The following KCNMA1 variants were observed in gnomAD, a reference collection of about 807,000 sequenced individuals.
KCNMA1 encodes the protein Calcium-activated potassium channel subunit alpha-1.
A neutral mutation model predicts 140.0 loss-of-function variants in KCNMA1; 29 were observed. That is an observed-to-expected ratio of 0.21 (90% CI 0.15 to 0.28). The LOEUF (loss-of-function observed/expected upper bound fraction) is 0.28. Ranked by LOEUF, KCNMA1 falls within the 10% of genes least tolerant of loss-of-function variation. The probability of loss-of-function intolerance (pLI) is 1.00; values close to 1 mark genes in which losing one functional copy is unlikely to be tolerated. For missense variants in KCNMA1, 880 were observed against 1,602.2 expected, an observed-to-expected ratio of 0.55 and a Z score of 7.70; for synonymous variants, 612 against 611.9, an observed-to-expected ratio of 1.00 and a Z score of 0.00.
At chr10:77,504,287 T>C (rs894819402) in intron 1 of KCNMA1, among the ~76,000 whole-genome samples, 1 of 152,192 alleles carries the variant, frequency 6.6e-6, no homozygotes, top group Non-Finnish European at 1.5e-5. Flanking sequence ...CCTCCAGATA[T>C]GGTGTCTGTG....
At chr10:77,391,209 G>T (rs772119658) in intron 2 of KCNMA1, among the ~76,000 whole-genome samples, 3 of 152,090 alleles carry the variant, frequency 2.0e-5, no homozygotes, top group Non-Finnish European at 4.4e-5. Flanking sequence ...AACAAGGAAG[G>T]CCCAGAAGTT....
intron 3 of KCNMA1, among the ~76,000 whole-genome samples, chr10:77,227,647 G>A (rs1276106799): frequency 1.3e-5 from 2 of 152,188 alleles, no homozygotes; most frequent in Admixed American, 1.3e-4. Context: ...CTGAAATCCT[G>A]ACTATTTTGG....
chr10:77,035,949 T>A (rs929051909), intron 15 of KCNMA1, among the ~76,000 whole-genome samples: 1 of 152,186 alleles, frequency 6.6e-6, no homozygotes, highest in Non-Finnish European at 1.5e-5. Flanking sequence ...CCTGGGTGTA[T>A]CTGTGAGGGT....
chr10:77,419,862 T>C (rs2096830212), intron 1 of KCNMA1, among the ~76,000 whole-genome samples: 2 of 152,124 alleles, frequency 1.3e-5, no homozygotes, highest in South Asian at 4.1e-4. Flanking sequence ...TGGAAGTCAT[T>C]GGTCCCAGTG....
At chr10:76,903,307 A>T (rs1402783755) in intron 25 of KCNMA1, 1 of 152,272 alleles carries the variant, frequency 6.6e-6, no homozygotes, top group Non-Finnish European at 1.5e-5. Context: ...ATCTTTTAAT[A>T]ACATTGCCTT....
At chr10:76,948,005 T>TC (rs1565118074) in intron 22 of KCNMA1, among the ~76,000 whole-genome samples, 3 of 150,900 alleles carry the variant, frequency 2.0e-5, no homozygotes, top group Admixed American at 6.6e-5. Context: ...GTTTCTTGTT[T>TC]TGTTTTTGTT....
intron 1 of KCNMA1, among the ~76,000 whole-genome samples, chr10:77,618,800 C>T (rs1878001): frequency 0.34 from 51,555 of 152,044 alleles, 9,387 homozygotes; most frequent in African/African-American, 0.46. Flanking sequence ...TAGGAATTGA[C>T]GAACACCGTA....
At chr10:76,894,712 T>C (rs2041741475) in intron 25 of KCNMA1, among the ~76,000 whole-genome samples, 1 of 152,342 alleles carries the variant, frequency 6.6e-6, no homozygotes, top group Middle Eastern at 3.4e-3. Context: ...AATAAACTTA[T>C]GCAAAGAGGC....
intron 21 of KCNMA1, chr10:76,952,302 T>C: frequency 1.2e-6 from 1 of 838,322 alleles, no homozygotes; most frequent in Non-Finnish European, 1.8e-6. Flanking sequence ...TGGCGGATCA[T>C]GAGCTCAAGA....
At chr10:77,032,587 G>GA (rs953499345) in intron 15 of KCNMA1, among the ~76,000 whole-genome samples, 20 of 151,504 alleles carry the variant, frequency 1.3e-4, no homozygotes, top group African/African-American at 2.7e-4. Flanking sequence ...CTTTTTTCAA[G>GA]AAAAAAAATG....
intron 29 of KCNMA1, chr10:76,877,999 A>G (rs1554851487): frequency 1.9e-6 from 2 of 1,069,224 alleles, no homozygotes; most frequent in Non-Finnish European, 2.8e-6. Flanking sequence ...AAGGTAATCG[A>G]TAGAAGCCGA....
chr10:76,960,074 C>G (rs949273686), intron 20 of KCNMA1, among the ~76,000 whole-genome samples: 1 of 152,196 alleles, frequency 6.6e-6, no homozygotes. Context: ...CATCAAAACA[C>G]CCCAAGTTGC....
chr10:77,224,130 G>C (rs1341737965), intron 3 of KCNMA1, among the ~76,000 whole-genome samples: 3 of 152,160 alleles, frequency 2.0e-5, no homozygotes, highest in Non-Finnish European at 4.4e-5. Flanking sequence ...CAGTTCCACA[G>C]ACCCTGATAC....
At chr10:77,596,815 G>A (rs185313086) in intron 1 of KCNMA1, among the ~76,000 whole-genome samples, 37 of 152,270 alleles carry the variant, frequency 2.4e-4, no homozygotes, top group East Asian at 1.5e-3. Context: ...AAAAAAGAGC[G>A]AATGATATTG....
chr10:77,405,261 C>T (rs2154468484), intron 1 of KCNMA1, among the ~76,000 whole-genome samples: 1 of 152,292 alleles, frequency 6.6e-6, no homozygotes, highest in South Asian at 2.1e-4. Flanking sequence ...ACTTTCTTTC[C>T]AATAGCACTT....
chr10:77,229,561 C>T (rs1344932619), intron 3 of KCNMA1, among the ~76,000 whole-genome samples: 1 of 152,106 alleles, frequency 6.6e-6, no homozygotes, highest in Non-Finnish European at 1.5e-5. Context: ...GATGGAGAAA[C>T]CAAGATTTGC....
At chr10:77,572,439 CA>C (rs1303641931) in intron 1 of KCNMA1, among the ~76,000 whole-genome samples, 12 of 144,970 alleles carry the variant, frequency 8.3e-5, no homozygotes, top group Non-Finnish European at 1.5e-4. Context: ...TACTTCTTAT[CA>C]AAAAAAAATT....
chr10:77,140,693 C>G (rs2098145139), intron 5 of KCNMA1: 1 of 152,388 alleles, frequency 6.6e-6, no homozygotes, highest in African/African-American at 2.4e-5. Flanking sequence ...CTCTCTCCTC[C>G]CTCACCCTCC....
intron 29 of KCNMA1, among the ~76,000 whole-genome samples, chr10:76,878,380 T>C (rs2033031891): frequency 6.6e-6 from 1 of 152,210 alleles, no homozygotes; most frequent in South Asian, 2.1e-4. Flanking sequence ...CAGCCTTTTC[T>C]TGGCTTTGCT....
Sources: allele counts gnomAD v4.1 joint callset (sites outside exome capture counted in the v4.1 genomes callset), GRCh38; gene constraint gnomAD v4.1.1; transcripts MANE v1.5; gene names NCBI Gene and HGNC (gene_info 2026-07-23, HGNC 2026-07-21).